SIRT5: variants seen among roughly 807,000 people sequenced by gnomAD.
The protein encoded by SIRT5 is NAD-dependent protein deacylase sirtuin-5, mitochondrial.
In SIRT5, 26 loss-of-function variants were observed where a neutral mutation model predicts 40.0. That is an observed-to-expected ratio of 0.65 (90% CI 0.48 to 0.90). SIRT5 has a LOEUF of 0.90. SIRT5 is among the 40% of genes least tolerant of loss of function. The pLI is 0.00. For synonymous variants in SIRT5, 146 were observed against 149.1 expected (o/e 0.98, Z 0.15); for missense variants, 401 against 402.4 (o/e 1.00, Z 0.03).
At chr6:13,604,615 C>G (rs202180038) in intron 9 of SIRT5, 18 of 1,494,402 alleles carry the variant, frequency 1.2e-5, no homozygotes, top group Non-Finnish European at 1.6e-5. Flanking sequence ...AGAGTTGGCC[C>G]CCACCTCCCA....
intron 9 of SIRT5, among the ~76,000 whole-genome samples, chr6:13,610,516 C>G (rs983575841): frequency 1.3e-5 from 2 of 152,206 alleles, no homozygotes; most frequent in Non-Finnish European, 2.9e-5. Context: ...CACACTCCCT[C>G]TATTTCACAC....
Position 13,595,118 on chromosome 6 carries a change from T to A in SIRT5, c.476-359T>A, listed in dbSNP as rs540880538. Among the ~76,000 whole-genome samples the A allele has an allele frequency of 3.3e-5, 5 of 152,316 alleles. No homozygotes were observed. The East Asian group carries it at 9.6e-4, about 29-fold the overall frequency. On this transcript the variant is annotated intron_variant, in intron 5 of 9. Transcript: ENST00000606117. Reference sequence around the variant, plus strand: ...TGGAGTTATTTATTTTTCCTCCAGATTATAAAGTCCTTGAGGGCATATGCT... The same window carrying A: ...TGGAGTTATTTATTTTTCCTCCAGAATATAAAGTCCTTGAGGGCATATGCT...
intron 5 of SIRT5, among the ~76,000 whole-genome samples, chr6:13,592,983 A>T (rs1761132196): frequency 6.8e-6 from 1 of 146,116 alleles, no homozygotes; most frequent in Non-Finnish European, 1.5e-5. Flanking sequence ...GCCTGATCAT[A>T]GCTCATTGCA....
At chr6:13,605,396 T>C (rs1169858079) in intron 9 of SIRT5, 4 of 985,246 alleles carry the variant, frequency 4.1e-6, no homozygotes, top group Non-Finnish European at 4.8e-6. Context: ...ACCCCTGCTC[T>C]AGGTTACGGA....
chr6:13,611,221 A>G (rs1763834238), intron 9 of SIRT5, among the ~76,000 whole-genome samples: 1 of 133,228 alleles, frequency 7.5e-6, no homozygotes. Flanking sequence ...ATATATATAT[A>G]TATATATATA....
intron 4 of SIRT5, among the ~76,000 whole-genome samples, chr6:13,590,854 TTG>T (rs1016843629): frequency 4.6e-5 from 7 of 151,538 alleles, no homozygotes; most frequent in African/African-American, 4.9e-5. Context: ...ATGTGTGCAG[TTG>T]TGTGTGTATG....
At chr6:13,590,909 ATG>A (rs1344338650) in intron 4 of SIRT5, among the ~76,000 whole-genome samples, 1 of 148,678 alleles carries the variant, frequency 6.7e-6, no homozygotes, top group Non-Finnish European at 1.5e-5. Context: ...GTGTTTAGCT[ATG>A]TGTGTGCAGT....
intron 3 of SIRT5, 36 bp from the exon 4 acceptor site, chr6:13,588,295 T>C (rs773143874): frequency 5.0e-6 from 8 of 1,603,278 alleles, no homozygotes; most frequent in Non-Finnish European, 6.8e-6. Flanking sequence ...ATGTCCAAAC[T>C]GTACACTGGA....
chr6:13,613,084 C>CA lies in SIRT5; in HGVS notation c.*1220dup, dbSNP rs1204334249. ...CATAGGGTTTATTTGGGGAACCTTA[C>CA]AGGGTGGTCCAGTGGCCGCGGGCTG... On this transcript the variant is annotated 3_prime_UTR_variant, in exon 10 of 10. Coordinates refer to ENST00000606117, the MANE Select transcript of SIRT5 (RefSeq NM_012241.5). 6.6e-6 allele frequency: 1 copy of CA among 152,280 alleles called. No homozygotes were observed. Among genetic ancestry groups the CA allele is most frequent in the African/African-American group, 2.4e-5 (1 of 41,442 alleles). The allele number at this position is 152,280 out of a possible 1,614,324, so 9.4% of individuals were successfully genotyped here.
chr6:13,608,925 G>C (rs1035418855), intron 9 of SIRT5, among the ~76,000 whole-genome samples: 1 of 151,826 alleles, frequency 6.6e-6, no homozygotes, highest in East Asian at 1.9e-4. Context: ...GGATTCAAGC[G>C]ATTCTTCTGC....
At chr6:13,586,592 G>A (rs184152399) in intron 3 of SIRT5, among the ~76,000 whole-genome samples, 3 of 152,240 alleles carry the variant, frequency 2.0e-5, no homozygotes, top group Non-Finnish European at 4.4e-5. Flanking sequence ...CTGTTCCACC[G>A]TGACTGTCTT....
At chr6:13,583,892 T>TTTCCGTTTTG (rs1759705101) in intron 2 of SIRT5, among the ~76,000 whole-genome samples, 184 bp from the exon 3 acceptor site, 3 of 152,318 alleles carry the variant, frequency 2.0e-5, no homozygotes, top group Admixed American at 2.0e-4. Flanking sequence ...AACAGCCAGT[T>TTTCCGTTTTG]CAGAGGATGA....
At chr6:13,588,088 T>C (rs1442415656) in intron 3 of SIRT5, among the ~76,000 whole-genome samples, 1 of 152,082 alleles carries the variant, frequency 6.6e-6, no homozygotes, top group Non-Finnish European at 1.5e-5. Context: ...ATCACACATT[T>C]GTGTGGGAGG....
rs368308926 is a variant in SIRT5, at chr6:13,583,765, G to A, written c.-35-311G>A. Among the ~76,000 whole-genome samples, 203 of 152,296 alleles carry A rather than the reference G, an allele frequency of 1.3e-3. 9 individuals carry two copies. In the South Asian group the frequency reaches 0.041, roughly 31 times the overall value. ...CAGCTCTGAGGTGGAACCAGAGGCTGCATTTCTAACAAGATTTCAGGTGAT... is the reference window on the plus strand; with the variant it reads ...CAGCTCTGAGGTGGAACCAGAGGCTACATTTCTAACAAGATTTCAGGTGAT... On this transcript the variant is annotated intron_variant, in intron 2 of 9. Transcript: ENST00000606117.
chr6:13,604,332 A>G (rs1026923077), intron 9 of SIRT5: 19 of 700,886 alleles, frequency 2.7e-5, no homozygotes, highest in Non-Finnish European at 4.6e-5. Context: ...GACTAAGCGT[A>G]GTAATACCGG....
Position 13,589,830 on chromosome 6 carries a change from C to T in SIRT5, c.249+1366C>T, listed in dbSNP as rs138825357. 1.5e-4 allele frequency among the ~76,000 whole-genome samples: 23 copies of T among 152,194 alleles called. No homozygotes were observed. In the East Asian group the frequency reaches 3.1e-3, roughly 21 times the overall value. ...GTGCGGGAGGAGCTCGGAGGAGGGGCGCTTAGTTGCGTCCGAAAAGGCTCA... is the reference window on the plus strand; with the variant it reads ...GTGCGGGAGGAGCTCGGAGGAGGGGTGCTTAGTTGCGTCCGAAAAGGCTCA... On this transcript the variant is annotated intron_variant, in intron 4 of 9. Transcript: ENST00000606117.
rs912758188 is a variant in SIRT5, at chr6:13,611,217, A to C, written c.858-573A>C. On this transcript the variant is annotated intron_variant, in intron 9 of 9. Transcript: ENST00000606117. ...TTTATGTGTGTGTGTGTATATATAT[A>C]TATATATATATATATATATACACAC... Among the ~76,000 whole-genome samples the C allele has an allele frequency of 4.4e-4, 54 of 122,938 alleles. 2 individuals are homozygous for C. In the East Asian group the frequency reaches 0.01, roughly 23 times the overall value. 80.7% of individuals were successfully genotyped at this position (122,938 alleles called of 152,430 possible). A position where few individuals can be genotyped will look rare whatever the true frequency, so the allele number is the denominator to read the frequency against.
At position 13,611,843 on chromosome 6, in the gene SIRT5, A is replaced by G. The variant is rs371509300; in HGVS notation, c.911A>G (p.His304Arg). Reference protein sequence around the residue: ...GTTLPEALACHENETVS With the variant: ...GTTLPEALACRENETVS The stretch of plus-strand genomic sequence containing the variant: ...ACTCTTCCTGAAGCCCTTGCCTGTC[A>G]TGAAAATGAAACTGTTTCTTAAGTG... Residue 304 changes from histidine to arginine, a missense_variant, in exon 10 of 10, where the codon CAT becomes CGT. Transcript: ENST00000606117. The G allele has an allele frequency of 6.2e-6, 10 of 1,613,934 alleles. No homozygotes were observed. The highest frequency in any genetic ancestry group is 7.6e-6 in the Non-Finnish European group (9 of 1,179,946).
intron 9 of SIRT5, among the ~76,000 whole-genome samples, chr6:13,609,995 CCT>C (rs1382294672): frequency 5.9e-5 from 9 of 152,044 alleles, no homozygotes; most frequent in African/African-American, 2.4e-5. Flanking sequence ...GAGGGAGCTC[CCT>C]CTGTCACCCA....
Sources: gnomAD v4.1 joint callset for allele counts (sites outside exome capture counted in the v4.1 genomes callset) on GRCh38, gnomAD v4.1.1 for gene constraint, MANE v1.5 for transcripts, NCBI Gene and HGNC (gene_info 2026-07-23, HGNC 2026-07-21) for gene names.